Variants in CASTOR2 observed in about 807,000 individuals in gnomAD.
CASTOR2 encodes GATS protein like 2.
A neutral mutation model predicts 31.2 loss-of-function variants in CASTOR2; 8 were observed. The ratio of observed to expected loss-of-function variants is 0.26; its 90% confidence interval spans 0.15 to 0.46. CASTOR2 has a LOEUF of 0.46. CASTOR2 is among the 20% of genes least tolerant of loss of function. The pLI is 0.99. For synonymous variants in CASTOR2, 162 were observed against 158.7 expected, an observed-to-expected ratio of 1.02 and a Z score of -0.16; for missense variants, 216 against 382.1, an observed-to-expected ratio of 0.57 and a Z score of 3.62.
intron 2 of CASTOR2, among the ~76,000 whole-genome samples, chr7:75,009,884 ATT>A (rs1186959059): frequency 3.2e-4 from 41 of 128,636 alleles, no homozygotes; most frequent in Non-Finnish European, 3.0e-4. Context: ...CAGGCACTTA[ATT>A]TTTTTTTTTT....
At chr7:75,021,735 A>T (rs1165271609) in intron 6 of CASTOR2, 139 bp from the exon 7 acceptor site, 49 of 999,568 alleles carry the variant, frequency 4.9e-5, no homozygotes, top group African/African-American at 3.7e-4. Flanking sequence ...TCTGGAAGGG[A>T]TTGTTTTTGG....
chr7:75,029,217 G>A lies in CASTOR2; in HGVS notation c.*4518G>A, dbSNP rs916597834. Among the ~76,000 whole-genome samples the A allele has an allele frequency of 3.3e-5, 5 of 152,172 alleles. No homozygotes were observed. Among genetic ancestry groups the A allele is most frequent in the Non-Finnish European group, 7.4e-5 (5 of 68,012 alleles). Reference sequence around the variant, plus strand: ...CCCCTCCTCCTGGCCACATTTTCCAGGGATACCCTGGGGAGTCCTAAGGCC... The same window carrying A: ...CCCCTCCTCCTGGCCACATTTTCCAAGGATACCCTGGGGAGTCCTAAGGCC... On this transcript the variant is annotated 3_prime_UTR_variant, in exon 9 of 9. Transcript: ENST00000616305.
intron 1 of CASTOR2, among the ~76,000 whole-genome samples, chr7:74,996,409 A>C (rs1183746333): frequency 2.6e-5 from 4 of 152,102 alleles, no homozygotes; most frequent in Admixed American, 1.3e-4. Context: ...AAAGTCCTTT[A>C]ATAGCAAGGC....
chr7:75,020,028 C>G lies in CASTOR2; in HGVS notation c.636-11C>G. ...GGGGCCCCATCTTTACCAGCTGCCT[C>G]TGGTCCCCAGAGTGAAGGACCCCAT... On this transcript the variant is annotated splice_polypyrimidine_tract_variant and intron_variant, in intron 5 of 8. Coordinates refer to ENST00000616305, the MANE Select transcript of CASTOR2 (RefSeq NM_001145064.3). 3 of 1,551,048 alleles carry G rather than the reference C, an allele frequency of 1.9e-6. No individual in the cohort carries two copies. The highest frequency in any genetic ancestry group is 2.6e-6 in the Non-Finnish European group (3 of 1,146,658).
At chr7:74,989,211 A>G (rs1804146605) in intron 1 of CASTOR2, among the ~76,000 whole-genome samples, 1 of 150,526 alleles carries the variant, frequency 6.6e-6, no homozygotes, top group African/African-American at 2.4e-5. Flanking sequence ...TGATTCGCCC[A>G]TCTCGGCCTC....
intron 1 of CASTOR2, among the ~76,000 whole-genome samples, chr7:75,001,292 G>C (rs1422094902): frequency 6.6e-6 from 1 of 152,100 alleles, no homozygotes; most frequent in African/African-American, 2.4e-5. Context: ...TGCCCAGGCT[G>C]GTCTCAAACT....
chr7:74,965,892 T>A (rs1355585956), intron 1 of CASTOR2, among the ~76,000 whole-genome samples: 1,644 of 35,744 alleles, frequency 0.046, 99 homozygotes, highest in Middle Eastern at 0.14. Flanking sequence ...ACTCTCTCTC[T>A]CTCTCTCTCT....
At chr7:74,983,238 C>T (rs369421324) in intron 1 of CASTOR2, among the ~76,000 whole-genome samples, 14 of 143,886 alleles carry the variant, frequency 9.7e-5, no homozygotes, top group Admixed American at 7.7e-4. Context: ...TCTCAAACTC[C>T]TGACCTTGGG....
intron 1 of CASTOR2, among the ~76,000 whole-genome samples, chr7:74,965,878 A>ACT (rs1803565722): frequency 4.5e-5 from 1 of 22,278 alleles, no homozygotes; most frequent in Non-Finnish European, 7.7e-5. Flanking sequence ...ACACACACAC[A>ACT]CACACTCTCT....
In CASTOR2 at chr7:74,977,165, C is replaced by G. The variant is rs1178403368; in HGVS notation, c.113+12067C>G. The stretch of plus-strand genomic sequence containing the variant: ...TGCCACTACACTCCAGCCTGGGTGA[C>G]AAGAGTGAAACTCCATCTCAAAAAA... On this transcript the variant is annotated intron_variant, in intron 1 of 8. Transcript: ENST00000616305. Among the ~76,000 whole-genome samples, 725 of 81,250 alleles carry G rather than the reference C, an allele frequency of 8.9e-3. 8 individuals are homozygous for G. Among genetic ancestry groups the G allele is most frequent in the African/African-American group, 0.032 (656 of 20,714 alleles). The allele number at this position is 81,250 out of a possible 152,430, so 53.3% of individuals were successfully genotyped here.
chr7:74,972,743 A>G (rs1220747154), intron 1 of CASTOR2, among the ~76,000 whole-genome samples: 6 of 150,140 alleles, frequency 4.0e-5, no homozygotes, highest in Non-Finnish European at 8.9e-5. Context: ...GCAATGGCGC[A>G]ATCTCGGCTC....
At chr7:75,011,407 CGATGG>C (rs1804740704) in intron 2 of CASTOR2, among the ~76,000 whole-genome samples, 8 of 137,090 alleles carry the variant, frequency 5.8e-5, no homozygotes, top group South Asian at 2.3e-4. Context: ...CCAGCCTGGG[CGATGG>C]AGCAAGACTC....
At chr7:75,000,430 T>C (rs1283874366) in intron 1 of CASTOR2, among the ~76,000 whole-genome samples, 3 of 152,102 alleles carry the variant, frequency 2.0e-5, no homozygotes, top group Admixed American at 6.6e-5. Flanking sequence ...GGCCACACTT[T>C]GCAAGAAACA....
At chr7:74,989,260 G>A (rs1804148004) in intron 1 of CASTOR2, among the ~76,000 whole-genome samples, 1 of 94,890 alleles carries the variant, frequency 1.1e-5, no homozygotes, top group Non-Finnish European at 2.2e-5. Context: ...CACCACGCCT[G>A]GCCTTTTTTT....
In CASTOR2 at chr7:75,024,863, C is replaced by T. The variant is rs909496062; in HGVS notation, c.*164C>T. 7.9e-6 allele frequency: 12 copies of T among 1,519,502 alleles called. No individual in the cohort carries two copies. Among genetic ancestry groups the T allele is most frequent in the African/African-American group, 4.1e-5 (3 of 72,332 alleles). The allele number at this position is 1,519,502 out of a possible 1,614,324, so 94.1% of individuals were successfully genotyped here. On this transcript the variant is annotated 3_prime_UTR_variant, in exon 9 of 9. Coordinates refer to ENST00000616305, the MANE Select transcript of CASTOR2 (RefSeq NM_001145064.3). ...TTGCCAATCCCTCCAGGGCAGGGGC[C>T]CACGCCAAGGCCTCTCCATGCCCTC...
intron 1 of CASTOR2, among the ~76,000 whole-genome samples, chr7:74,989,115 C>T (rs1804143626): frequency 6.6e-6 from 1 of 152,000 alleles, no homozygotes; most frequent in Non-Finnish European, 1.5e-5. Flanking sequence ...CGCCCGCCAC[C>T]ATGCCCGGCT....
intron 6 of CASTOR2, among the ~76,000 whole-genome samples, chr7:75,021,183 G>T (rs1029829499): frequency 2.6e-5 from 4 of 152,006 alleles, no homozygotes; most frequent in Non-Finnish European, 5.9e-5. Flanking sequence ...GTAGAGACAG[G>T]GTTTTGCCAT....
At chr7:74,991,740 A>G (rs1424039822) in intron 1 of CASTOR2, among the ~76,000 whole-genome samples, 1 of 151,946 alleles carries the variant, frequency 6.6e-6, no homozygotes, top group Non-Finnish European at 1.5e-5. Context: ...GGGGAGTGGA[A>G]TGAGGGTCCC....
intron 2 of CASTOR2, among the ~76,000 whole-genome samples, chr7:75,012,152 A>G (rs1804765269): frequency 6.6e-6 from 1 of 152,106 alleles, no homozygotes; most frequent in South Asian, 2.1e-4. Flanking sequence ...AGAAGATGGT[A>G]TACCACCATG....
Sources: gnomAD v4.1 joint callset for allele counts (sites outside exome capture counted in the v4.1 genomes callset) on GRCh38, gnomAD v4.1.1 for gene constraint, MANE v1.5 for transcripts, NCBI Gene and HGNC (gene_info 2026-07-23, HGNC 2026-07-21) for gene names.